Variants in TMEM108 observed in about 807,000 individuals in gnomAD.
TMEM108 encodes the protein transmembrane protein 108.
In TMEM108, 12 loss-of-function variants were observed where a neutral mutation model predicts 35.1. The ratio of observed to expected loss-of-function variants is 0.34; its 90% CI spans 0.22 to 0.55. TMEM108 has a LOEUF of 0.55. Among genes scored for constraint, TMEM108 ranks in the 20% least tolerant of loss-of-function variants. The pLI, the probability that TMEM108 is intolerant of heterozygous loss-of-function variation, is 0.89. For missense variants in TMEM108, 680 were observed against 753.3 expected, an observed-to-expected ratio of 0.90 and a Z score of 1.14; for synonymous variants, 287 against 308.6, an observed-to-expected ratio of 0.93 and a Z score of 0.73.
intron 2 of TMEM108, among the ~76,000 whole-genome samples, chr3:133,108,202 G>C (rs1253376628): frequency 6.6e-6 from 1 of 152,148 alleles, no homozygotes; most frequent in African/African-American, 2.4e-5. Context: ...CTGTACTCCA[G>C]CCTGAGCGAC....
Position 133,078,167 on chromosome 3 carries a change from GCGCGCGCACA to G in TMEM108, c.-47+32150_-47+32159del, listed in dbSNP as rs1451332255. 7.7e-3 allele frequency among the ~76,000 whole-genome samples: 327 copies of G among 42,632 alleles called. 3 individuals are homozygous for G. The highest frequency in any genetic ancestry group is 0.014 in the African/African-American group (91 of 6,560). 28.0% of individuals were successfully genotyped at this position (42,632 alleles called of 152,430 possible). A position where few individuals can be genotyped will look rare whatever the true frequency, so the allele number is the denominator to read the frequency against. On this transcript the variant is annotated intron_variant, in intron 2 of 5. Coordinates refer to ENST00000321871, the MANE Select transcript of TMEM108 (RefSeq NM_023943.4). The stretch of plus-strand genomic sequence containing the variant: ...TGTGTGTGTGTGTGTGTGCACGCGC[GCGCGCGCACA>G]CGTGTGTGTGTATATCTCAGATCTT...
chr3:133,117,265 A>T (rs929916827), intron 2 of TMEM108, among the ~76,000 whole-genome samples: 2 of 152,224 alleles, frequency 1.3e-5, no homozygotes, highest in Non-Finnish European at 2.9e-5. Context: ...ATCCCATCTG[A>T]GTGATCTAGT....
intron 2 of TMEM108, among the ~76,000 whole-genome samples, chr3:133,207,831 A>G (rs986293170): frequency 6.6e-6 from 1 of 152,176 alleles, no homozygotes; most frequent in African/African-American, 2.4e-5. Context: ...AGCCATTAGA[A>G]TTCAAACATA....
intron 3 of TMEM108, among the ~76,000 whole-genome samples, chr3:133,262,241 T>G (rs1482052580): frequency 6.6e-6 from 1 of 152,252 alleles, no homozygotes; most frequent in Non-Finnish European, 1.5e-5. Flanking sequence ...TCTTAAAATA[T>G]TCACTTGCTT....
intron 2 of TMEM108, among the ~76,000 whole-genome samples, chr3:133,185,784 C>CTTTTTTT (rs11309146): frequency 7.9e-5 from 10 of 127,120 alleles, no homozygotes; most frequent in South Asian, 2.8e-4. Context: ...CTTTTCTTTT[C>CTTTTTTT]TTTTTTTTTT....
At chr3:133,126,849 A>G (rs1158186226) in intron 2 of TMEM108, among the ~76,000 whole-genome samples, 1 of 152,206 alleles carries the variant, frequency 6.6e-6, no homozygotes, top group Non-Finnish European at 1.5e-5. Flanking sequence ...ATTACTTAAA[A>G]TACCTAATAC....
At chr3:133,209,969 A>G (rs1377422081) in intron 2 of TMEM108, among the ~76,000 whole-genome samples, 1 of 152,136 alleles carries the variant, frequency 6.6e-6, no homozygotes, top group African/African-American at 2.4e-5. Context: ...GGCTTATCAG[A>G]GTTAGAGATT....
chr3:133,178,542 A>G (rs1945276122), intron 2 of TMEM108, among the ~76,000 whole-genome samples: 2 of 152,144 alleles, frequency 1.3e-5, no homozygotes, highest in South Asian at 4.1e-4. Flanking sequence ...AAACCTGACA[A>G]AAACAAGCAA....
chr3:133,296,671 C>G (rs1947149532), intron 3 of TMEM108, among the ~76,000 whole-genome samples: 3 of 152,054 alleles, frequency 2.0e-5, no homozygotes, highest in African/African-American at 7.2e-5. Context: ...TCCAAAGCAA[C>G]CCGTGTGTCA....
chr3:133,331,608 C>T (rs1393752466), intron 3 of TMEM108, among the ~76,000 whole-genome samples: 1 of 152,184 alleles, frequency 6.6e-6, no homozygotes, highest in Non-Finnish European at 1.5e-5. Context: ...AGAAACTGCC[C>T]TGAGCAACTA....
intron 3 of TMEM108, among the ~76,000 whole-genome samples, chr3:133,252,220 C>T (rs1026902690): frequency 6.6e-6 from 1 of 152,108 alleles, no homozygotes; most frequent in Non-Finnish European, 1.5e-5. Context: ...TTTCAACTCT[C>T]TGTTATGGTG....
chr3:133,233,040 T>A (rs13317206), intron 3 of TMEM108, among the ~76,000 whole-genome samples: 11 of 147,528 alleles, frequency 7.5e-5, no homozygotes, highest in East Asian at 2.0e-4. Context: ...TTTTTTTTTT[T>A]AATTTTATTA....
intron 2 of TMEM108, among the ~76,000 whole-genome samples, chr3:133,150,054 G>T (rs1036739274): frequency 5.9e-5 from 9 of 152,034 alleles, no homozygotes; most frequent in African/African-American, 1.7e-4. Context: ...TTTTTTGAGG[G>T]AATATCCATA....
intron 2 of TMEM108, among the ~76,000 whole-genome samples, chr3:133,115,776 G>A (rs1413896437): frequency 6.6e-6 from 1 of 152,206 alleles, no homozygotes; most frequent in Admixed American, 6.5e-5. Context: ...CTATATGCAG[G>A]CACTATATCA....
chr3:133,187,905 A>G (rs1397636743), intron 2 of TMEM108, among the ~76,000 whole-genome samples: 1 of 147,408 alleles, frequency 6.8e-6, no homozygotes, highest in Admixed American at 6.7e-5. Context: ...AAAAAAAGAC[A>G]GGAACAAATA....
intron 2 of TMEM108, among the ~76,000 whole-genome samples, chr3:133,077,590 G>C (rs73211503): frequency 0.22 from 33,203 of 152,116 alleles, 4,293 homozygotes; most frequent in Non-Finnish European, 0.29. Context: ...TCCCTAGGAG[G>C]GATATTTGGG....
chr3:133,315,921 G>A (rs556550614), intron 3 of TMEM108, among the ~76,000 whole-genome samples: 1 of 152,310 alleles, frequency 6.6e-6, no homozygotes, highest in Non-Finnish European at 1.5e-5. Context: ...TAAAAAGCAT[G>A]TATACATACT....
intron 2 of TMEM108, among the ~76,000 whole-genome samples, chr3:133,162,620 T>A (rs575440336): frequency 6.6e-6 from 1 of 152,210 alleles, no homozygotes; most frequent in East Asian, 1.9e-4. Flanking sequence ...GCAAGACAGA[T>A]CTTTAAGATT....
At chr3:133,114,950 A>G (rs1356970746) in intron 2 of TMEM108, among the ~76,000 whole-genome samples, 1 of 152,200 alleles carries the variant, frequency 6.6e-6, no homozygotes, top group African/African-American at 2.4e-5. Flanking sequence ...ACATCCAGAA[A>G]GCCCCAGAAT....
Sources: gnomAD v4.1 joint callset for allele counts (sites outside exome capture counted in the v4.1 genomes callset) on GRCh38, gnomAD v4.1.1 for gene constraint, MANE v1.5 for transcripts, NCBI Gene and HGNC (gene_info 2026-07-23, HGNC 2026-07-21) for gene names.